Variants in STARD3NL observed in about 807,000 individuals in gnomAD.
STARD3NL encodes STARD3 N-terminal like.
STARD3NL carries 17 observed loss-of-function variants against 30.9 expected under a neutral mutation model. The ratio of observed to expected loss-of-function variants is 0.55; its 90% CI spans 0.38 to 0.82. The LOEUF (loss-of-function observed/expected upper bound fraction) is 0.82. Ranked by LOEUF, STARD3NL falls within the 40% of genes least tolerant of loss-of-function variation. The pLI is 0.00. For missense variants in STARD3NL, 234 were observed against 277.6 expected, an observed-to-expected ratio of 0.84 and a Z score of 1.12; for synonymous variants, 112 against 100.5, an observed-to-expected ratio of 1.11 and a Z score of -0.69.
rs1395854954 is a variant in STARD3NL, at chr7:38,205,782, A to ATC, written c.-58-1664_-58-1663insCT. 2.0e-5 allele frequency among the ~76,000 whole-genome samples: 3 copies of ATC among 152,212 alleles called. No individual in the cohort carries two copies. In the East Asian group the frequency reaches 5.8e-4, roughly 29 times the overall value. On this transcript the variant is annotated intron_variant, in intron 1 of 8. Transcript: ENST00000009041. ...ATGTTACCACTACTCAGGTAAAGAA[A>ATC]TAGAACTTTACCAAGTCCCCTAAAT...
At chr7:38,217,448 G>GA (rs1349277973) in intron 6 of STARD3NL, 143 bp downstream of exon 6, 5 of 707,702 alleles carry the variant, frequency 7.1e-6, no homozygotes, top group Non-Finnish European at 1.2e-5. Context: ...GGCTACAGCA[G>GA]AAATCGAGAG....
At chr7:38,195,059 A>C (rs909774682) in intron 1 of STARD3NL, among the ~76,000 whole-genome samples, 1 of 152,020 alleles carries the variant, frequency 6.6e-6, no homozygotes. Flanking sequence ...TATTAAGCCT[A>C]ATTTTATATA....
At chr7:38,201,152 C>T (rs1785158343) in intron 1 of STARD3NL, among the ~76,000 whole-genome samples, 1 of 152,226 alleles carries the variant, frequency 6.6e-6, no homozygotes, top group African/African-American at 2.4e-5. Context: ...CTCCTTTTTA[C>T]AACTTCCCTT....
intron 7 of STARD3NL, among the ~76,000 whole-genome samples, chr7:38,227,943 A>G (rs193292112): frequency 4.6e-4 from 70 of 152,294 alleles, no homozygotes; most frequent in African/African-American, 1.5e-3. Flanking sequence ...TAGAAATGTT[A>G]AAATATCCAG....
rs1437413582 is a variant in STARD3NL, at chr7:38,230,595, G to C, written c.*690G>C. 1 of 152,190 alleles carries C rather than the reference G, an allele frequency of 6.6e-6. No homozygotes were observed. The highest frequency in any genetic ancestry group is 1.9e-4 in the East Asian group (1 of 5,208). The allele number at this position is 152,190 out of a possible 1,614,324, so 9.4% of individuals were successfully genotyped here. On this transcript the variant is annotated 3_prime_UTR_variant, in exon 9 of 9. Transcript: ENST00000009041. ...TGTTCTAAATACTCTTATTTTGAAT[G>C]CACAAAATGACTTAAACCATTCATA...
chr7:38,181,003 T>A (rs1055250232), intron 1 of STARD3NL, among the ~76,000 whole-genome samples: 8 of 152,222 alleles, frequency 5.3e-5, no homozygotes, highest in African/African-American at 1.4e-4. Context: ...ACAGCATGAA[T>A]TTATTGTCCA....
At chr7:38,227,748 G>A (rs560923843) in intron 7 of STARD3NL, among the ~76,000 whole-genome samples, 3 of 152,074 alleles carry the variant, frequency 2.0e-5, no homozygotes, top group South Asian at 2.1e-4. Flanking sequence ...TAGAAATCAC[G>A]TATCCTTCAA....
chr7:38,189,800 A>G (rs1302536407), intron 1 of STARD3NL, among the ~76,000 whole-genome samples: 1 of 152,218 alleles, frequency 6.6e-6, no homozygotes, highest in Non-Finnish European at 1.5e-5. Context: ...TGATTTGGGT[A>G]TCTGGAATTC....
At chr7:38,227,500 G>T (rs1364142618) in intron 7 of STARD3NL, among the ~76,000 whole-genome samples, 1 of 152,042 alleles carries the variant, frequency 6.6e-6, no homozygotes, top group African/African-American at 2.4e-5. Flanking sequence ...TAACAAATTT[G>T]TTCTTGGCTA....
intron 1 of STARD3NL, among the ~76,000 whole-genome samples, chr7:38,206,182 C>T (rs184231609): frequency 2.6e-5 from 4 of 152,294 alleles, no homozygotes; most frequent in Admixed American, 2.6e-4. Flanking sequence ...CTGTCTGTTT[C>T]TAAATTCTAT....
chr7:38,219,912 C>T (rs1286839338), intron 7 of STARD3NL, among the ~76,000 whole-genome samples: 1 of 152,162 alleles, frequency 6.6e-6, no homozygotes, highest in Non-Finnish European at 1.5e-5. Flanking sequence ...GACACACAGA[C>T]AAGGGGAAGC....
intron 1 of STARD3NL, among the ~76,000 whole-genome samples, chr7:38,193,580 G>A (rs1028905227): frequency 6.6e-6 from 1 of 152,222 alleles, no homozygotes; most frequent in Non-Finnish European, 1.5e-5. Flanking sequence ...TTACAGGCGT[G>A]AGCCACTGCG....
At chr7:38,219,194 G>A (rs1375326264) in intron 6 of STARD3NL, among the ~76,000 whole-genome samples, 1 of 152,074 alleles carries the variant, frequency 6.6e-6, no homozygotes, top group Non-Finnish European at 1.5e-5. Context: ...CTACAGGCAT[G>A]CACTACCACA....
At chr7:38,183,802 G>A (rs770331823) in intron 1 of STARD3NL, among the ~76,000 whole-genome samples, 1 of 152,156 alleles carries the variant, frequency 6.6e-6, no homozygotes, top group African/African-American at 2.4e-5. Context: ...ACCTAAAATA[G>A]TTTTCACAGC....
At chr7:38,227,765 T>G (rs907708655) in intron 7 of STARD3NL, among the ~76,000 whole-genome samples, 2 of 152,190 alleles carry the variant, frequency 1.3e-5, no homozygotes, top group Non-Finnish European at 2.9e-5. Context: ...TCAAATTATT[T>G]GGTAACATCA....
At chr7:38,203,998 A>G (rs989893102) in intron 1 of STARD3NL, among the ~76,000 whole-genome samples, 2 of 152,182 alleles carry the variant, frequency 1.3e-5, no homozygotes, top group African/African-American at 4.8e-5. Flanking sequence ...GTCCTTAGAG[A>G]CCTACAAAGA....
At chr7:38,208,878 T>A (rs1041261957) in intron 2 of STARD3NL, among the ~76,000 whole-genome samples, 19 of 152,374 alleles carry the variant, frequency 1.2e-4, no homozygotes, top group Non-Finnish European at 2.2e-4. Flanking sequence ...AGTATTCTAA[T>A]TCATAGCATA....
At chr7:38,197,907 T>C (rs186660438) in intron 1 of STARD3NL, among the ~76,000 whole-genome samples, 218 of 152,306 alleles carry the variant, frequency 1.4e-3, no homozygotes, top group African/African-American at 5.1e-3. Context: ...CCTCGGAAGG[T>C]GAGGGCTCTA....
chr7:38,182,901 C>G (rs1784307177), intron 1 of STARD3NL, among the ~76,000 whole-genome samples: 1 of 152,126 alleles, frequency 6.6e-6, no homozygotes, highest in Non-Finnish European at 1.5e-5. Flanking sequence ...GGAATCTGGC[C>G]CAGGACCTTT....
Sources: allele counts gnomAD v4.1 joint callset (sites outside exome capture counted in the v4.1 genomes callset), GRCh38; gene constraint gnomAD v4.1.1; transcripts MANE v1.5; gene names NCBI Gene and HGNC (gene_info 2026-07-23, HGNC 2026-07-21).